The following DIAPH2 variants were observed in gnomAD, a reference collection of about 807,000 sequenced individuals.
DIAPH2 encodes the protein diaphanous related formin 2, also known as protein diaphanous homolog 2.
In DIAPH2, 35 loss-of-function variants were observed where a neutral mutation model predicts 92.7. The observed-to-expected ratio is 0.38, with a 90% CI of 0.29 to 0.50. The LOEUF (loss-of-function observed/expected upper bound fraction) is 0.50, where lower values mean the gene tolerates loss of function less well. Among genes scored for constraint, DIAPH2 ranks in the 20% least tolerant of loss-of-function variants. The pLI is 0.94. For synonymous variants in DIAPH2, 301 were observed against 280.4 expected (o/e 1.07, Z -0.73); for missense variants, 701 against 819.5 (o/e 0.86, Z 1.77).
At chrX:97,506,618 C>T (rs757772385) in intron 26 of DIAPH2, among the ~76,000 whole-genome samples, 5 of 110,528 alleles carry the variant, frequency 4.5e-5, no homozygotes, top group Admixed American at 3.9e-4. Flanking sequence ...TCATTAGAAC[C>T]TTCTTCCACC....
intron 26 of DIAPH2, among the ~76,000 whole-genome samples, chrX:97,589,907 T>C (rs1173535715): frequency 8.9e-6 from 1 of 112,438 alleles, no homozygotes; most frequent in African/African-American, 3.2e-5. Flanking sequence ...GTGTCCTAAT[T>C]GTTCATATTT....
intron 4 of DIAPH2, among the ~76,000 whole-genome samples, chrX:96,843,409 G>GTACACA (rs2064950042): frequency 8.9e-6 from 1 of 111,814 alleles, no homozygotes; most frequent in Non-Finnish European, 1.9e-5. Context: ...ATGTACACAT[G>GTACACA]TGAAATTTCA....
intron 17 of DIAPH2, among the ~76,000 whole-genome samples, chrX:97,024,401 C>A (rs951273478): frequency 4.5e-5 from 5 of 111,765 alleles, no homozygotes; most frequent in African/African-American, 1.6e-4. Context: ...TATTCCAGAG[C>A]CAGTGTCTCT....
intron 24 of DIAPH2, among the ~76,000 whole-genome samples, chrX:97,359,874 C>A (rs1239765349): frequency 3.6e-5 from 4 of 111,225 alleles, no homozygotes. Context: ...CTGCGCCCGG[C>A]CATGTTATAA....
At chrX:96,842,185 C>T (rs2064941465) in intron 4 of DIAPH2, among the ~76,000 whole-genome samples, 1 of 111,938 alleles carries the variant, frequency 8.9e-6, no homozygotes, top group Non-Finnish European at 1.9e-5. Context: ...CCAAGCTACA[C>T]TAAAGGTCCA....
rs1556133291 is a variant in DIAPH2 at position 97,476,968 on chromosome X, A to AAT, written c.3241+47239_3241+47240dup. Among the ~76,000 whole-genome samples, 133 of 33,595 alleles carry AAT rather than the reference A, an allele frequency of 4.0e-3. 5 individuals carry two copies. The highest frequency in any genetic ancestry group is 5.5e-3 in the Non-Finnish European group (107 of 19,361). The allele number at this position is 33,595 out of a possible 115,157, so 29.2% of individuals were successfully genotyped here. ...TCAAAAAAAAAAAAAAAAAAAAAAA[A>AAT]ATATATATATATATATACACACACA... On this transcript the variant is annotated intron_variant, in intron 26 of 26. Transcript: ENST00000324765.
chrX:97,141,552 C>T, intron 21 of DIAPH2, 113 bp from the exon 22 acceptor site: 3 of 819,580 alleles, frequency 3.7e-6, no homozygotes, highest in Non-Finnish European at 5.0e-6. Flanking sequence ...TAAGAACCTA[C>T]CCCAAAGTTT....
chrX:96,766,380 A>G (rs985883365), intron 4 of DIAPH2, among the ~76,000 whole-genome samples: 3 of 111,199 alleles, frequency 2.7e-5, no homozygotes, highest in East Asian at 5.6e-4. Context: ...GGAAGAAACT[A>G]TAGGAATTAG....
chrX:97,355,558 G>T (rs957339974), intron 24 of DIAPH2, among the ~76,000 whole-genome samples: 1 of 111,112 alleles, frequency 9.0e-6, no homozygotes, highest in Non-Finnish European at 1.9e-5. Context: ...TCATAAGTTG[G>T]TGCCTCTTTG....
chrX:97,391,958 TGA>T (rs780577307), intron 25 of DIAPH2, among the ~76,000 whole-genome samples: 15 of 111,883 alleles, frequency 1.3e-4, no homozygotes, highest in Non-Finnish European at 2.8e-4. Context: ...GGCTATATTT[TGA>T]GAGATTTGGA....
chrX:97,194,801 A>G (rs1227514749), intron 22 of DIAPH2, among the ~76,000 whole-genome samples: 5 of 112,187 alleles, frequency 4.5e-5, no homozygotes, highest in African/African-American at 1.6e-4. Flanking sequence ...TATGTCAGCA[A>G]GAGAAAGAGC....
chrX:96,785,835 C>T (rs1602505719), intron 4 of DIAPH2, among the ~76,000 whole-genome samples: 2 of 110,919 alleles, frequency 1.8e-5, no homozygotes, highest in South Asian at 7.7e-4. Flanking sequence ...CACCCAGAGC[C>T]GTATCACCTC....
At chrX:96,941,900 A>G in intron 12 of DIAPH2, 118 bp from the exon 13 acceptor site, 1 of 469,650 alleles carries the variant, frequency 2.1e-6, no homozygotes, top group East Asian at 3.6e-5. Flanking sequence ...TGGCTGCAGG[A>G]TTTTTTAAAA....
chrX:97,466,499 A>G (rs762911353), intron 26 of DIAPH2, among the ~76,000 whole-genome samples: 4 of 111,449 alleles, frequency 3.6e-5, no homozygotes, highest in East Asian at 2.8e-4. Flanking sequence ...TCTCACATCT[A>G]TTTCACCTAC....
intron 22 of DIAPH2, among the ~76,000 whole-genome samples, chrX:97,169,789 G>A (rs774960707): frequency 6.8e-4 from 76 of 111,280 alleles, no homozygotes; most frequent in African/African-American, 2.4e-3. Context: ...GATCACCTGA[G>A]CCTGGGAGGT....
intron 17 of DIAPH2, among the ~76,000 whole-genome samples, chrX:97,019,668 T>A (rs1347785323): frequency 1.8e-5 from 2 of 111,496 alleles, no homozygotes; most frequent in Admixed American, 9.6e-5. Context: ...AATGATTATT[T>A]AAGACATACT....
intron 17 of DIAPH2, among the ~76,000 whole-genome samples, chrX:97,041,668 C>A (rs940003898): frequency 9.0e-6 from 1 of 111,431 alleles, no homozygotes; most frequent in East Asian, 2.8e-4. Flanking sequence ...ATTTACATAT[C>A]TTTGATGGGG....
At chrX:97,095,550 G>T (rs1412067315) in intron 19 of DIAPH2, among the ~76,000 whole-genome samples, 7 of 109,471 alleles carry the variant, frequency 6.4e-5, no homozygotes, top group Non-Finnish European at 1.3e-4. Flanking sequence ...ATCCGTTTAT[G>T]TGGAAAATGA....
chrX:97,445,960 CT>C (rs1334239134), intron 26 of DIAPH2, among the ~76,000 whole-genome samples: 145 of 108,159 alleles, frequency 1.3e-3, no homozygotes, highest in African/African-American at 4.2e-3. Context: ...AATAAACCCT[CT>C]CTTAATTTAT....
Sources: gnomAD v4.1 joint callset for allele counts (sites outside exome capture counted in the v4.1 genomes callset) on GRCh38, gnomAD v4.1.1 for gene constraint, MANE v1.5 for transcripts, NCBI Gene and HGNC (gene_info 2026-07-23, HGNC 2026-07-21) for gene names.